Variants in APBB2 observed in about 807,000 individuals in gnomAD.
APBB2 encodes the protein Fe65-like 1.
Under a neutral mutation model 82.5 loss-of-function variants are expected in APBB2, and 38 were observed. The ratio of observed to expected loss-of-function variants is 0.46; its 90% CI spans 0.36 to 0.60. The LOEUF (loss-of-function observed/expected upper bound fraction) is 0.60. APBB2 is among the 20% of genes least tolerant of loss of function. The pLI is 0.00. For missense variants in APBB2, 772 were observed against 972.3 expected, an observed-to-expected ratio of 0.79 and a Z score of 2.74; for synonymous variants, 341 against 368.2, an observed-to-expected ratio of 0.93 and a Z score of 0.85.
At chr4:41,025,056 C>G (rs957384121) in intron 5 of APBB2, among the ~76,000 whole-genome samples, 1 of 152,204 alleles carries the variant, frequency 6.6e-6, no homozygotes, top group Non-Finnish European at 1.5e-5. Flanking sequence ...TGTCTTTGTT[C>G]CAGGCCCAGT....
At chr4:41,021,157 T>C (rs536825158) in intron 5 of APBB2, among the ~76,000 whole-genome samples, 1 of 152,158 alleles carries the variant, frequency 6.6e-6, no homozygotes, top group Admixed American at 6.5e-5. Context: ...GAACCCCAAA[T>C]GAGCTCAACT....
intron 4 of APBB2, among the ~76,000 whole-genome samples, chr4:41,039,218 C>G (rs1166641574): frequency 6.6e-6 from 1 of 152,146 alleles, no homozygotes; most frequent in Non-Finnish European, 1.5e-5. Flanking sequence ...CTTTGTTGTA[C>G]AGGGTAGTCC....
chr4:40,832,729 C>G lies in APBB2; in HGVS notation c.1530-2152G>C, dbSNP rs571323443. On this transcript the variant is annotated intron_variant, in intron 12 of 17. Coordinates refer to ENST00000508593, the MANE Select transcript of APBB2 (RefSeq NM_004307.2). This position sits in a 1 kb window ranked among gnomAD's most constrained non-coding sequence, Gnocchi z 4.8. Reference sequence around the variant, plus strand: ...GTTCCTCGCACACACAGTACATACACGGGGGCACAGCAAGTGTCTGAGTGT... The same window carrying G: ...GTTCCTCGCACACACAGTACATACAGGGGGGCACAGCAAGTGTCTGAGTGT... Among the ~76,000 whole-genome samples the G allele has an allele frequency of 6.6e-6, 1 of 152,332 alleles. No individual in the cohort carries two copies. The highest frequency in any genetic ancestry group is 2.4e-5 in the African/African-American group (1 of 41,562).
chr4:40,968,870 T>C (rs376594633), intron 6 of APBB2, among the ~76,000 whole-genome samples: 13 of 152,276 alleles, frequency 8.5e-5, no homozygotes, highest in East Asian at 7.7e-4. Flanking sequence ...AATTCCCACA[T>C]GTTCTGGGAG....
chr4:41,160,416 T>G (rs1333643421), intron 1 of APBB2, among the ~76,000 whole-genome samples: 4 of 152,202 alleles, frequency 2.6e-5, no homozygotes, highest in African/African-American at 9.7e-5. Flanking sequence ...AGGGAAATTT[T>G]CTCTCCAGAA....
chr4:41,149,608 T>C (rs1761710355), intron 1 of APBB2, among the ~76,000 whole-genome samples: 1 of 152,076 alleles, frequency 6.6e-6, no homozygotes, highest in South Asian at 2.1e-4. Context: ...AGAATGAATA[T>C]CTGGGTAAAA....
Position 40,927,732 on chromosome 4 carries a change from T to G in APBB2, c.1254+6724A>C, listed in dbSNP as rs374576654. ...CCTGGGCTCAAGAGATCTGCCTGCC[T>G]GAGCCTCCCTAGGTGCTGGGATTAC... On this transcript the variant is annotated intron_variant, in intron 10 of 17. Transcript: ENST00000508593. Among the ~76,000 whole-genome samples the G allele has an allele frequency of 4.6e-5, 7 of 152,286 alleles. No homozygotes were observed. The East Asian group carries it at 1.4e-3, about 29-fold the overall frequency.
chr4:41,033,593 C>CACACAT (rs1717925649), intron 4 of APBB2, among the ~76,000 whole-genome samples: 1 of 146,954 alleles, frequency 6.8e-6, no homozygotes. Flanking sequence ...ATCACACACA[C>CACACAT]ACACACACAC....
In APBB2 at chr4:40,985,957, G is replaced by A. The variant is rs7686621; in HGVS notation, c.835+27626C>T. On this transcript the variant is annotated intron_variant, in intron 6 of 17. Transcript: ENST00000508593. ...ACAGACTTTTTCAACTCCGGTAATA[G>A]GTTGTCCCAGAGAAGAAATAAGTGA... Among the ~76,000 whole-genome samples, 323 of 152,240 alleles carry A rather than the reference G, an allele frequency of 2.1e-3. 2 individuals carry two copies. Among genetic ancestry groups the A allele is most frequent in the African/African-American group, 7.4e-3 (306 of 41,530 alleles).
In APBB2 at chr4:40,977,892, T is replaced by C. The variant is rs571747409; in HGVS notation, c.836-32819A>G. Among the ~76,000 whole-genome samples, 4 of 152,292 alleles carry C rather than the reference T, an allele frequency of 2.6e-5. No individual in the cohort carries two copies. The South Asian group carries it at 6.2e-4, about 24-fold the overall frequency. ...CACAGGAGTTTCATATAAGATAGAA[T>C]GTAAAACACAAACTCCAGCTCCAAG... On this transcript the variant is annotated intron_variant, in intron 6 of 17. Coordinates refer to ENST00000508593, the MANE Select transcript of APBB2 (RefSeq NM_004307.2).
intron 11 of APBB2, among the ~76,000 whole-genome samples, chr4:40,891,635 C>T (rs889261774): frequency 6.6e-6 from 1 of 152,202 alleles, no homozygotes; most frequent in African/African-American, 2.4e-5. Context: ...AGCGTTGAAG[C>T]TGTGGCCTGT....
intron 5 of APBB2, 143 bp downstream of exon 5, chr4:41,033,093 T>C: frequency 1.4e-6 from 1 of 692,152 alleles, no homozygotes; most frequent in South Asian, 1.7e-5. Context: ...AAGATTCATT[T>C]TTCTATTACA....
chr4:40,937,709 A>G (rs1785724543), intron 7 of APBB2, among the ~76,000 whole-genome samples: 1 of 152,252 alleles, frequency 6.6e-6, no homozygotes, highest in African/African-American at 2.4e-5. Context: ...TACATCAAAT[A>G]TGACAAACTT....
At chr4:41,059,619 C>T (rs1342519489) in intron 4 of APBB2, among the ~76,000 whole-genome samples, 1 of 152,260 alleles carries the variant, frequency 6.6e-6, no homozygotes, top group Non-Finnish European at 1.5e-5. Context: ...GCCTTAAGGG[C>T]ATGTTCCTGC....
At chr4:41,156,174 A>G (rs1763397375) in intron 1 of APBB2, among the ~76,000 whole-genome samples, 1 of 152,172 alleles carries the variant, frequency 6.6e-6, no homozygotes, top group Admixed American at 6.5e-5. Context: ...CTCTACTAGA[A>G]AAAATGGGTG....
chr4:40,934,230 G>A (rs144990243), intron 10 of APBB2, among the ~76,000 whole-genome samples: 4 of 152,274 alleles, frequency 2.6e-5, no homozygotes, highest in Non-Finnish European at 5.9e-5. Flanking sequence ...AAGAGCTGAC[G>A]TAGTGAGATA....
intron 12 of APBB2, among the ~76,000 whole-genome samples, chr4:40,851,743 T>A (rs4991982): frequency 0.21 from 13,371 of 65,168 alleles, 658 homozygotes; most frequent in African/African-American, 0.26. Flanking sequence ...TATATATTTT[T>A]TTTTTTTTTT....
intron 3 of APBB2, among the ~76,000 whole-genome samples, chr4:41,074,678 C>T (rs1343221816): frequency 4.0e-5 from 6 of 150,038 alleles, no homozygotes; most frequent in Admixed American, 2.7e-4. Context: ...GGCACCATCT[C>T]GGCTCACTGC....
At chr4:40,991,011 A>ATTTTTTTTTTTTT (rs796337000) in intron 6 of APBB2, among the ~76,000 whole-genome samples, 37 of 134,800 alleles carry the variant, frequency 2.7e-4, no homozygotes, top group South Asian at 4.7e-4. Context: ...ACTGAGTTTC[A>ATTTTTTTTTTTTT]TTTTTTTTTT....
Sources: allele counts gnomAD v4.1 joint callset (sites outside exome capture counted in the v4.1 genomes callset), GRCh38; gene constraint gnomAD v4.1.1; non-coding constraint Gnocchi (gnomAD v3.1); transcripts MANE v1.5; gene names NCBI Gene and HGNC (gene_info 2026-07-23, HGNC 2026-07-21).